The following RGS7BP variants were observed in gnomAD, a reference collection of about 807,000 sequenced individuals.
RGS7BP encodes regulator of G protein signaling 7-binding protein.
RGS7BP carries 9 observed loss-of-function variants against 31.3 expected under a neutral mutation model. That is an observed-to-expected ratio of 0.29 (90% CI 0.17 to 0.50). The LOEUF is 0.50. RGS7BP is among the 20% of genes least tolerant of loss of function. The pLI is 0.98. For synonymous variants in RGS7BP, 115 were observed against 120.1 expected (o/e 0.96, Z 0.28); for missense variants, 274 against 322.0 (o/e 0.85, Z 1.14).
intron 3 of RGS7BP, among the ~76,000 whole-genome samples, chr5:64,578,440 T>C (rs563332309): frequency 6.6e-6 from 1 of 152,322 alleles, no homozygotes; most frequent in South Asian, 2.1e-4. Context: ...GGATGCTGGA[T>C]AAACATGCAG....
At chr5:64,562,632 A>G (rs1436077222) in intron 2 of RGS7BP, among the ~76,000 whole-genome samples, 1 of 152,160 alleles carries the variant, frequency 6.6e-6, no homozygotes, top group Admixed American at 6.5e-5. Flanking sequence ...CTCCTCCCCC[A>G]GCACTGTTGT....
intron 2 of RGS7BP, among the ~76,000 whole-genome samples, chr5:64,549,964 AC>A (rs910209434): frequency 5.9e-5 from 9 of 152,178 alleles, no homozygotes; most frequent in Non-Finnish European, 1.3e-4. Flanking sequence ...TCTACCTTCC[AC>A]AAAACACGAG....
At chr5:64,533,906 C>A (rs973826391) in intron 2 of RGS7BP, among the ~76,000 whole-genome samples, 23 of 152,196 alleles carry the variant, frequency 1.5e-4, no homozygotes, top group African/African-American at 4.8e-4. Flanking sequence ...ATAAAGCAGA[C>A]ATGACTTACA....
intron 3 of RGS7BP, among the ~76,000 whole-genome samples, chr5:64,585,492 G>A (rs945478431): frequency 2.7e-5 from 4 of 146,658 alleles, no homozygotes; most frequent in African/African-American, 9.8e-5. Flanking sequence ...AGAAAGGATG[G>A]GAGAAATAAG....
At chr5:64,514,917 C>T (rs1748933744) in intron 2 of RGS7BP, among the ~76,000 whole-genome samples, 1 of 152,218 alleles carries the variant, frequency 6.6e-6, no homozygotes, top group Admixed American at 6.5e-5. Context: ...CTCCCATTGC[C>T]TATTGAAGTT....
chr5:64,506,556 G>C lies in RGS7BP; in HGVS notation c.-69G>C. The C allele has an allele frequency of 6.9e-7, 1 of 1,453,494 alleles. No individual in the cohort carries two copies. Among genetic ancestry groups the C allele is most frequent in the Admixed American group, 2.0e-5 (1 of 48,992 alleles). The allele number at this position is 1,453,494 out of a possible 1,614,324, so 90.0% of individuals were successfully genotyped here. A position where few individuals can be genotyped will look rare whatever the true frequency, so the allele number is the denominator to read the frequency against. ...TCCGGCTGCTTGGCGGCGGCGCCCA[G>C]GGCAACAACCGGGCCGCCCGCGCCG... On this transcript the variant is annotated 5_prime_UTR_variant, in exon 1 of 6. Transcript: ENST00000334025. This position sits in a 1 kb window ranked among gnomAD's most constrained non-coding sequence, Gnocchi z 4.6.
chr5:64,598,226 A>C, intron 4 of RGS7BP, 139 bp from the exon 5 acceptor site: 1 of 600,278 alleles, frequency 1.7e-6, no homozygotes, highest in Admixed American at 3.0e-5. Context: ...AAATAAATTC[A>C]ATATTTGCCT....
intron 1 of RGS7BP, among the ~76,000 whole-genome samples, chr5:64,507,187 G>T (rs1401829477): frequency 6.6e-6 from 1 of 152,236 alleles, no homozygotes; most frequent in Non-Finnish European, 1.5e-5. Context: ...CTGCGGAGGG[G>T]TCGAAGGTTC....
chr5:64,529,730 C>T (rs1010855872), intron 2 of RGS7BP, among the ~76,000 whole-genome samples: 1 of 152,158 alleles, frequency 6.6e-6, no homozygotes, highest in African/African-American at 2.4e-5. Flanking sequence ...GTATAGCCTC[C>T]AAGAAGGGCT....
chr5:64,598,425 G>A lies in RGS7BP; in HGVS notation c.672G>A (p.Leu224=). Residue 224 remains leucine, a synonymous_variant, in exon 5 of 6, where the codon TTG becomes TTA. Transcript: ENST00000334025. Reference sequence around the variant, plus strand: ...TCAGGGAAACTATGCCTTTACCATTGAAAAATCAAGGTGAGTCTTGTCACT... The same window carrying A: ...TCAGGGAAACTATGCCTTTACCATTAAAAAATCAAGGTGAGTCTTGTCACT... ...SKLRETMPLP[L]KNQDDSSLLN... is the part of the protein sequence containing the mutation. 2 of 1,599,442 alleles carry A rather than the reference G, an allele frequency of 1.3e-6. No individual in the cohort carries two copies. Among genetic ancestry groups the A allele is most frequent in the Non-Finnish European group, 1.7e-6 (2 of 1,166,732 alleles).
chr5:64,529,575 T>C (rs1457921832), intron 2 of RGS7BP, among the ~76,000 whole-genome samples: 2 of 152,188 alleles, frequency 1.3e-5, no homozygotes, highest in East Asian at 3.8e-4. Context: ...AAAATGCCAA[T>C]GTCTGGGTCC....
intron 4 of RGS7BP, among the ~76,000 whole-genome samples, chr5:64,596,350 C>T (rs1580466446): frequency 6.6e-6 from 1 of 152,274 alleles, no homozygotes; most frequent in Non-Finnish European, 1.5e-5. Flanking sequence ...AACTGGACTG[C>T]ACAGTTAAGT....
intron 2 of RGS7BP, among the ~76,000 whole-genome samples, chr5:64,548,422 A>C (rs947783362): frequency 4.6e-5 from 7 of 152,212 alleles, no homozygotes; most frequent in Non-Finnish European, 1.0e-4. Flanking sequence ...AATAATTTAA[A>C]ATTTCTGTAC....
chr5:64,540,900 C>A (rs540913478), intron 2 of RGS7BP, among the ~76,000 whole-genome samples: 2 of 152,302 alleles, frequency 1.3e-5, no homozygotes, highest in East Asian at 3.9e-4. Context: ...TAGAGGAGTC[C>A]TGCATTGAAC....
At chr5:64,529,104 T>C (rs1205839453) in intron 2 of RGS7BP, among the ~76,000 whole-genome samples, 1 of 152,118 alleles carries the variant, frequency 6.6e-6, no homozygotes, top group Non-Finnish European at 1.5e-5. Context: ...ATAAAAATAG[T>C]TTGGGAGGTT....
At chr5:64,598,543 A>C in intron 5 of RGS7BP, 108 bp downstream of exon 5, 1 of 753,096 alleles carries the variant, frequency 1.3e-6, no homozygotes, top group South Asian at 1.5e-5. Context: ...AGTAGAAGGC[A>C]TTGAGCATTC....
At chr5:64,563,890 G>C (rs530081842) in intron 2 of RGS7BP, among the ~76,000 whole-genome samples, 23 of 152,282 alleles carry the variant, frequency 1.5e-4, no homozygotes, top group African/African-American at 5.5e-4. Context: ...TTCACAGCCT[G>C]TGTCTTTTTA....
intron 2 of RGS7BP, among the ~76,000 whole-genome samples, chr5:64,529,705 G>T (rs1197659856): frequency 6.6e-6 from 1 of 152,116 alleles, no homozygotes; most frequent in Non-Finnish European, 1.5e-5. Flanking sequence ...ATAGACAAGG[G>T]ATCTATTTGA....
rs1484715653 is a variant in RGS7BP, at chr5:64,594,786, C to T, written c.540C>T (p.Asp180=). The T allele has an allele frequency of 6.2e-7, 1 of 1,613,702 alleles. No individual in the cohort carries two copies. Among genetic ancestry groups the T allele is most frequent in the Admixed American group, 1.7e-5 (1 of 59,978 alleles). Residue 180 remains aspartate, a synonymous_variant, in exon 4 of 6, where the codon GAC becomes GAT. Coordinates refer to ENST00000334025, the MANE Select transcript of RGS7BP (RefSeq NM_001029875.3). ...GTGCTGAAACACCTGCCCTAGAAGA[C>T]TCCTCATCATCCCCCGTAGATAGTC... ...EESAETPALE[D]SSSSPVDSQQ...
Sources: gnomAD v4.1 joint callset for allele counts (sites outside exome capture counted in the v4.1 genomes callset) on GRCh38, gnomAD v4.1.1 for gene constraint, Gnocchi (gnomAD v3.1) non-coding constraint, MANE v1.5 for transcripts, NCBI Gene and HGNC (gene_info 2026-07-23, HGNC 2026-07-21) for gene names.